Variants in SNTG1 observed in about 807,000 individuals in gnomAD.
SNTG1 encodes the protein syntrophin gamma 1.
A neutral mutation model predicts 74.7 loss-of-function variants in SNTG1; 39 were observed. The ratio of observed to expected loss-of-function variants is 0.52; its 90% confidence interval spans 0.40 to 0.68. The LOEUF is 0.68. Ranked by LOEUF, SNTG1 falls within the 30% of genes least tolerant of loss-of-function variation. SNTG1 has a pLI of 0.00. For missense variants in SNTG1, 685 were observed against 609.5 expected (o/e 1.12, Z -1.30); for synonymous variants, 254 against 217.1 (o/e 1.17, Z -1.49).
intron 1 of SNTG1, among the ~76,000 whole-genome samples, chr8:49,962,827 A>G (rs1261455641): frequency 6.6e-6 from 1 of 152,146 alleles, no homozygotes; most frequent in African/African-American, 2.4e-5. Flanking sequence ...TCTTGACCTC[A>G]AGTTGTTCCA....
intron 1 of SNTG1, among the ~76,000 whole-genome samples, chr8:50,142,842 C>T (rs1381336312): frequency 2.0e-5 from 3 of 152,046 alleles, no homozygotes; most frequent in East Asian, 3.9e-4. Flanking sequence ...GAGGCCAAGG[C>T]GGGTGGATCA....
chr8:50,527,025 T>A (rs1330274518), intron 9 of SNTG1, among the ~76,000 whole-genome samples: 5 of 152,208 alleles, frequency 3.3e-5, no homozygotes, highest in Admixed American at 3.3e-4. Flanking sequence ...CAAATATTTC[T>A]TCCAGCCATT....
intron 4 of SNTG1, among the ~76,000 whole-genome samples, chr8:50,412,630 T>C (rs993743510): frequency 8.0e-4 from 121 of 152,080 alleles, no homozygotes; most frequent in African/African-American, 2.9e-3. Flanking sequence ...AGTACAGAGG[T>C]CTAGGTCAGG....
chr8:50,086,414 G>A (rs1822890982), intron 1 of SNTG1, among the ~76,000 whole-genome samples: 2 of 152,124 alleles, frequency 1.3e-5, no homozygotes, highest in African/African-American at 4.8e-5. Context: ...ATGGAATCTA[G>A]GCACAAGGCC....
rs766460497 is a variant in SNTG1, at chr8:50,656,918, A to C, written c.859A>C (p.Met287Leu). 1.2e-5 allele frequency: 20 copies of C among 1,604,100 alleles called. No individual in the cohort carries two copies. In the Admixed American group the frequency reaches 1.9e-4, roughly 15 times the overall value. ...NFPVNQQIVY[M>L]GWCEAREQDP... ...TTCCATTTTCTTGCAGATTGTCTAC[A>C]TGGGCTGGTGTGAAGCCCGGGAGCA... Residue 287 changes from methionine to leucine, a missense_variant, in exon 14 of 19, where the codon ATG (methionine) becomes CTG (leucine). Met to Leu is a conservative substitution (Grantham distance 15). Transcript: ENST00000642720.
At chr8:50,483,266 C>T (rs192949731) in intron 8 of SNTG1, among the ~76,000 whole-genome samples, 1 of 152,172 alleles carries the variant, frequency 6.6e-6, no homozygotes, top group Admixed American at 6.5e-5. Context: ...TCTCTGAAGG[C>T]TGAAATTTAA....
At chr8:50,401,399 C>T (rs2092804018) in intron 3 of SNTG1, among the ~76,000 whole-genome samples, 1 of 152,110 alleles carries the variant, frequency 6.6e-6, no homozygotes, top group Admixed American at 6.6e-5. Flanking sequence ...TTGGTGATTA[C>T]TAAGATAATA....
At chr8:50,499,766 T>C (rs887371969) in intron 8 of SNTG1, among the ~76,000 whole-genome samples, 1 of 151,960 alleles carries the variant, frequency 6.6e-6, no homozygotes, top group Non-Finnish European at 1.5e-5. Flanking sequence ...TATTGACAAA[T>C]ATTTTTTGAT....
chr8:49,920,561 A>T (rs1488655160), intron 1 of SNTG1, among the ~76,000 whole-genome samples: 3 of 148,134 alleles, frequency 2.0e-5, no homozygotes, highest in Non-Finnish European at 2.9e-5. Context: ...ACAAATAAAC[A>T]ACAACAACAA....
At chr8:50,791,643 A>C (rs1039225909) in intron 18 of SNTG1, among the ~76,000 whole-genome samples, 1 of 151,872 alleles carries the variant, frequency 6.6e-6, no homozygotes, top group Non-Finnish European at 1.5e-5. Context: ...TCATGTACAT[A>C]TCAATTATAA....
At chr8:50,702,536 C>T (rs144677202) in intron 15 of SNTG1, among the ~76,000 whole-genome samples, 21 of 152,260 alleles carry the variant, frequency 1.4e-4, no homozygotes, top group African/African-American at 4.6e-4. Flanking sequence ...CAGAGAATTC[C>T]ATCTAACATT....
chr8:50,493,815 G>GA (rs200844427), intron 8 of SNTG1, among the ~76,000 whole-genome samples: 4,577 of 149,646 alleles, frequency 0.031, 230 homozygotes, highest in African/African-American at 0.1. Context: ...GGTAATTGCT[G>GA]AAAAAAAACA....
intron 1 of SNTG1, among the ~76,000 whole-genome samples, chr8:50,062,697 T>C (rs1280152020): frequency 6.6e-6 from 1 of 152,218 alleles, no homozygotes; most frequent in Non-Finnish European, 1.5e-5. Context: ...TAGAATTTAC[T>C]TTTTCTTGGT....
chr8:50,559,143 A>G (rs1468057879), intron 12 of SNTG1, among the ~76,000 whole-genome samples: 1 of 152,204 alleles, frequency 6.6e-6, no homozygotes, highest in Non-Finnish European at 1.5e-5. Flanking sequence ...TGGAGATGTC[A>G]GAAGGAGTAA....
rs1021879450 is a variant in SNTG1 at position 50,658,726 on chromosome 8, C to T, written c.1038+63C>T. 17 of 1,042,216 alleles carry T rather than the reference C, an allele frequency of 1.6e-5. No homozygotes were observed. The African/African-American group carries it at 2.6e-4, about 16-fold the overall frequency. The allele number at this position is 1,042,216 out of a possible 1,614,324, so 64.6% of individuals were successfully genotyped here. ...CCTCAGCAAATAGTGCCTCTGGGCT[C>T]ATAAGCAGCTCATGAAAACAAATCA... is the stretch of plus-strand genomic sequence containing the variant. On this transcript the variant is annotated intron_variant, in intron 15 of 18. Transcript: ENST00000642720.
At chr8:50,020,580 G>A (rs1816732271) in intron 1 of SNTG1, among the ~76,000 whole-genome samples, 1 of 151,882 alleles carries the variant, frequency 6.6e-6, no homozygotes, top group Admixed American at 6.6e-5. Context: ...ATTCATTTAG[G>A]CACATCATTA....
chr8:49,945,301 C>T (rs1221903676), intron 1 of SNTG1, among the ~76,000 whole-genome samples: 2 of 152,168 alleles, frequency 1.3e-5, no homozygotes, highest in African/African-American at 2.4e-5. Flanking sequence ...GGATTGCCCT[C>T]CTTGCAATGT....
intron 12 of SNTG1, among the ~76,000 whole-genome samples, chr8:50,572,463 A>T (rs367552351): frequency 6.6e-6 from 1 of 152,146 alleles, no homozygotes; most frequent in Non-Finnish European, 1.5e-5. Context: ...ATAAAATTGG[A>T]TAATTCTTGT....
At chr8:50,488,212 G>A (rs1334212095) in intron 8 of SNTG1, among the ~76,000 whole-genome samples, 1 of 149,832 alleles carries the variant, frequency 6.7e-6, no homozygotes, top group Non-Finnish European at 1.5e-5. Context: ...TGCTATGAGA[G>A]TAAAATAGGT....
Sources: gnomAD v4.1 joint callset for allele counts (sites outside exome capture counted in the v4.1 genomes callset) on GRCh38, gnomAD v4.1.1 for gene constraint, MANE v1.5 for transcripts, NCBI Gene and HGNC (gene_info 2026-07-23, HGNC 2026-07-21) for gene names.